The following ARF3 variants were observed in gnomAD, a reference collection of about 807,000 sequenced individuals.
The protein encoded by ARF3 is ADP-ribosylation factor 3.
Under a neutral mutation model 19.3 loss-of-function variants are expected in ARF3, and 5 were observed. The observed-to-expected ratio is 0.26, with a 90% CI of 0.14 to 0.54. The LOEUF (loss-of-function observed/expected upper bound fraction) is 0.54. ARF3 is among the 20% of genes least tolerant of loss of function. The pLI, the probability that ARF3 is intolerant of heterozygous loss-of-function variation, is 0.95. For missense variants in ARF3, 77 were observed against 234.2 expected (o/e 0.33, Z 4.38); for synonymous variants, 71 against 89.2 (o/e 0.80, Z 1.15).
Position 48,939,248 on chromosome 12 carries a change from G to T in ARF3, c.385-140C>A. 9.8e-7 allele frequency: 1 copy of T among 1,023,338 alleles called. No homozygotes were observed. Among genetic ancestry groups the T allele is most frequent in the Non-Finnish European group, 1.4e-6 (1 of 722,220 alleles). 63.4% of individuals were successfully genotyped at this position (1,023,338 alleles called of 1,614,324 possible). A position where few individuals can be genotyped will look rare whatever the true frequency, so the allele number is the denominator to read the frequency against. On this transcript the variant is annotated intron_variant, in intron 4 of 4. Coordinates refer to ENST00000256682, the MANE Select transcript of ARF3 (RefSeq NM_001659.3). This position sits in a 1 kb window ranked among gnomAD's most constrained non-coding sequence, Gnocchi z 4.8. ...GAAACCCAGAACAAGATCCTAAGGA[G>T]CTACTTTGGATTTAGTCACCTAGAA...
Position 48,939,982 on chromosome 12 carries a change from T to C in ARF3, c.259+15A>G. The stretch of plus-strand genomic sequence containing the variant: ...CTGCTCATACCCAACCAACCCACGC[T>C]AGGCCTGAGCATACCTTGGGTGTTC... On this transcript the variant is annotated intron_variant, in intron 3 of 4. Transcript: ENST00000256682. This position sits in a 1 kb window ranked among gnomAD's most constrained non-coding sequence, Gnocchi z 4.8. The C allele has an allele frequency of 1.2e-6, 2 of 1,612,798 alleles. No homozygotes were observed. Among genetic ancestry groups the C allele is most frequent in the Non-Finnish European group, 8.5e-7 (1 of 1,178,806 alleles).
In ARF3 at chr12:48,941,067, T is replaced by A; in HGVS notation, c.29A>T (p.Lys10Met). MGNIFGNLL[K>M]SLIGKKEMRI... is the part of the protein sequence containing the mutation. Reference sequence around the variant, plus strand: ...CATCTCCTTCTTCCCAATCAGGCTCTTGAGAAGGTTTCCAAAGATATTGCC... The same window carrying A: ...CATCTCCTTCTTCCCAATCAGGCTCATGAGAAGGTTTCCAAAGATATTGCC... Residue 10 changes from lysine to methionine, a missense_variant, in exon 2 of 5, where the codon AAG becomes ATG. By Grantham distance (95) the Lys-to-Met change is moderately conservative. Coordinates refer to ENST00000256682, the MANE Select transcript of ARF3 (RefSeq NM_001659.3). 1 of 1,613,902 alleles carries A rather than the reference T, an allele frequency of 6.2e-7. No homozygotes were observed. Among genetic ancestry groups the A allele is most frequent in the Non-Finnish European group, 8.5e-7 (1 of 1,179,922 alleles).
At chr12:48,949,690 G>C (rs1353055711) in intron 1 of ARF3, among the ~76,000 whole-genome samples, 1 of 152,096 alleles carries the variant, frequency 6.6e-6, no homozygotes, top group Non-Finnish European at 1.5e-5. Flanking sequence ...CTACAGGTGT[G>C]CATCACCATG....
intron 1 of ARF3, among the ~76,000 whole-genome samples, chr12:48,953,472 T>C (rs1165893483): frequency 1.3e-5 from 2 of 152,162 alleles, no homozygotes; most frequent in Non-Finnish European, 2.9e-5. Context: ...CTCTCCTACA[T>C]CTTAAGCTCA....
intron 1 of ARF3, among the ~76,000 whole-genome samples, chr12:48,942,085 C>T (rs547884474): frequency 1.3e-5 from 2 of 152,244 alleles, no homozygotes; most frequent in African/African-American, 2.4e-5. Context: ...AAAACCCACT[C>T]GTGGCTTCAT....
At chr12:48,946,080 G>A (rs1369233954) in intron 1 of ARF3, among the ~76,000 whole-genome samples, 2 of 152,304 alleles carry the variant, frequency 1.3e-5, no homozygotes, top group East Asian at 3.9e-4. Flanking sequence ...TGGGATTACA[G>A]GCACGACCCA....
At chr12:48,941,922 C>G (rs1335723055) in intron 1 of ARF3, among the ~76,000 whole-genome samples, 1 of 152,160 alleles carries the variant, frequency 6.6e-6, no homozygotes, top group Admixed American at 6.5e-5. Flanking sequence ...CTTACTGTGG[C>G]CCATCCAAGG....
intron 1 of ARF3, among the ~76,000 whole-genome samples, chr12:48,947,976 CAAG>C (rs34262660): frequency 0.57 from 85,025 of 148,902 alleles, 24,326 homozygotes; most frequent in South Asian, 0.75. Flanking sequence ...GAGGCTGATG[CAAG>C]AAGATTGCCT....
chr12:48,942,482 A>G (rs1015624452), intron 1 of ARF3, among the ~76,000 whole-genome samples: 2 of 151,950 alleles, frequency 1.3e-5, no homozygotes, highest in South Asian at 4.2e-4. Context: ...GTCTGTTTCA[A>G]TGTCACCTAC....
Position 48,947,497 on chromosome 12 carries a change from A to G in ARF3, c.-93-6309T>C, listed in dbSNP as rs542519354. On this transcript the variant is annotated intron_variant, in intron 1 of 4. Transcript: ENST00000256682. Reference sequence around the variant, plus strand: ...AATTTTTTGCATTTTTAGTAGAGACAGGATTTCACCATGTTAACCAGGATG... The same window carrying G: ...AATTTTTTGCATTTTTAGTAGAGACGGGATTTCACCATGTTAACCAGGATG... Among the ~76,000 whole-genome samples the G allele has an allele frequency of 8.5e-5, 13 of 152,158 alleles. No homozygotes were observed. In the East Asian group the frequency reaches 2.1e-3, roughly 25 times the overall value.
chr12:48,943,046 G>A (rs1440453658), intron 1 of ARF3, among the ~76,000 whole-genome samples: 1 of 152,236 alleles, frequency 6.6e-6, no homozygotes, highest in Non-Finnish European at 1.5e-5. Flanking sequence ...GGTGGAGGTT[G>A]CAGTGAGCCG....
At position 48,951,152 on chromosome 12, in the gene ARF3, CGT is replaced by C. The variant is rs1940461011; in HGVS notation, c.-94+6156_-94+6157del. 2.6e-5 allele frequency among the ~76,000 whole-genome samples: 4 copies of C among 152,262 alleles called. No homozygotes were observed. The South Asian group carries it at 8.3e-4, about 32-fold the overall frequency. ...ATAAATCCTCTCAGCGTTTTAGACACGTGTGTTTTCTATTTTTGCAACTAATA... is the reference window on the plus strand; with the variant it reads ...ATAAATCCTCTCAGCGTTTTAGACACGTGTTTTCTATTTTTGCAACTAATA... On this transcript the variant is annotated intron_variant, in intron 1 of 4. Coordinates refer to ENST00000256682, the MANE Select transcript of ARF3 (RefSeq NM_001659.3).
chr12:48,943,130 A>G (rs548952290), intron 1 of ARF3, among the ~76,000 whole-genome samples: 1 of 152,254 alleles, frequency 6.6e-6, no homozygotes, highest in East Asian at 1.9e-4. Flanking sequence ...TAATAGTAAT[A>G]ACAACAACAA....
At chr12:48,944,547 T>C (rs1256301188) in intron 1 of ARF3, among the ~76,000 whole-genome samples, 3 of 152,252 alleles carry the variant, frequency 2.0e-5, no homozygotes, top group African/African-American at 4.8e-5. Flanking sequence ...GCAAAGACTA[T>C]GTCTACTTAT....
At chr12:48,944,258 T>C (rs769069608) in intron 1 of ARF3, among the ~76,000 whole-genome samples, 3 of 152,222 alleles carry the variant, frequency 2.0e-5, no homozygotes, top group Non-Finnish European at 4.4e-5. Flanking sequence ...ACTGTGAGTA[T>C]AGTGGTGGCT....
At chr12:48,947,410 G>C (rs1010482379) in intron 1 of ARF3, among the ~76,000 whole-genome samples, 1 of 151,050 alleles carries the variant, frequency 6.6e-6, no homozygotes, top group Non-Finnish European at 1.5e-5. Context: ...AAGTTCAAGC[G>C]ATTCTCCTGC....
Position 48,937,456 on chromosome 12 carries a change from C to G in ARF3, c.*1491G>C, listed in dbSNP as rs947705701. On this transcript the variant is annotated 3_prime_UTR_variant, in exon 5 of 5. Transcript: ENST00000256682. ...CAAGTGCCCCCTGCAGACAGAGAGA[C>G]GCAGTAGCAACAGCTTCTGAACAAC... The G allele has an allele frequency of 1.3e-5, 2 of 152,554 alleles. No individual in the cohort carries two copies. The highest frequency in any genetic ancestry group is 2.9e-5 in the Non-Finnish European group (2 of 68,128). The allele number at this position is 152,554 out of a possible 1,614,324, so 9.5% of individuals were successfully genotyped here.
At position 48,939,419 on chromosome 12, in the gene ARF3, G is replaced by T. The variant is rs1940211639; in HGVS notation, c.384+236C>A. On this transcript the variant is annotated intron_variant, in intron 4 of 4. Coordinates refer to ENST00000256682, the MANE Select transcript of ARF3 (RefSeq NM_001659.3). This position sits in a 1 kb window ranked among gnomAD's most constrained non-coding sequence, Gnocchi z 4.8. ...GAGTGAGGCCAATTCTCCTAAAGTA[G>T]ATAACAGGCAAGATGAAAGAAAGAT... 6.6e-6 allele frequency among the ~76,000 whole-genome samples: 1 copy of T among 152,156 alleles called. No homozygotes were observed. The highest frequency in any genetic ancestry group is 6.5e-5 in the Admixed American group (1 of 15,272).
chr12:48,942,551 T>C (rs1940279413), intron 1 of ARF3, among the ~76,000 whole-genome samples: 1 of 152,152 alleles, frequency 6.6e-6, no homozygotes, highest in African/African-American at 2.4e-5. Context: ...CACCACTCCC[T>C]ACCCCATTTA....
Sources: allele counts gnomAD v4.1 joint callset (sites outside exome capture counted in the v4.1 genomes callset), GRCh38; gene constraint gnomAD v4.1.1; non-coding constraint Gnocchi (gnomAD v3.1); transcripts MANE v1.5; gene names NCBI Gene and HGNC (gene_info 2026-07-23, HGNC 2026-07-21).